The following CDYL variants were observed in gnomAD, a reference collection of about 807,000 sequenced individuals.
CDYL encodes the protein chromodomain Y-like protein.
A neutral mutation model predicts 47.3 loss-of-function variants in CDYL; 8 were observed. That is an observed-to-expected ratio of 0.17 (90% CI 0.10 to 0.31). CDYL has a LOEUF of 0.31. CDYL is among the 10% of genes least tolerant of loss of function. The probability of loss-of-function intolerance (pLI) is 1.00; values close to 1 mark genes in which losing one functional copy is unlikely to be tolerated. For missense variants in CDYL, 471 were observed against 701.4 expected (o/e 0.67, Z 3.71); for synonymous variants, 266 against 265.0 (o/e 1.00, Z -0.04).
intron 2 of CDYL, among the ~76,000 whole-genome samples, chr6:4,723,927 GC>G (rs1204687965): frequency 1.3e-5 from 2 of 152,234 alleles, no homozygotes; most frequent in Non-Finnish European, 2.9e-5. Context: ...CTCCTGATCT[GC>G]TTTCGGTTAG....
chr6:4,907,383 C>T (rs935355679), intron 2 of CDYL, among the ~76,000 whole-genome samples: 4 of 152,158 alleles, frequency 2.6e-5, no homozygotes, highest in East Asian at 1.9e-4. Context: ...GAGACAGGGT[C>T]CGGCTCCGTC....
chr6:4,806,775 T>A (rs1276620078), intron 1 of CDYL, among the ~76,000 whole-genome samples: 3 of 152,228 alleles, frequency 2.0e-5, no homozygotes, highest in Non-Finnish European at 4.4e-5. Flanking sequence ...TCCTAAATTC[T>A]GGTTTTCTGT....
chr6:4,891,757 A>T lies in CDYL; in HGVS notation c.69A>T (p.Thr23=), dbSNP rs779653039. Residue 23 remains threonine, a synonymous_variant, in exon 2 of 7, where the codon ACA becomes ACT. Coordinates refer to ENST00000397588, the MANE Select transcript of CDYL (RefSeq NM_004824.4). ...VDKRKNKKGK[T]EYLVRWKGYD... The stretch of plus-strand genomic sequence containing the variant: ...AAAGGAAAAATAAAAAAGGGAAGAC[A>T]GAGTATTTGGTTCGGTGGAAAGGCT... The T allele has an allele frequency of 6.2e-7, 1 of 1,614,184 alleles. No homozygotes were observed. The highest frequency in any genetic ancestry group is 1.7e-5 in the Admixed American group (1 of 60,016).
At chr6:4,719,985 C>T (rs184088439) in intron 2 of CDYL, among the ~76,000 whole-genome samples, 5 of 152,316 alleles carry the variant, frequency 3.3e-5, no homozygotes, top group East Asian at 1.9e-4. Context: ...TCCATTTCAA[C>T]GCTTATAGCA....
intron 2 of CDYL, among the ~76,000 whole-genome samples, chr6:4,917,729 G>C (rs1489598199): frequency 6.6e-6 from 1 of 152,196 alleles, no homozygotes; most frequent in African/African-American, 2.4e-5. Context: ...TTCTTAGGCT[G>C]TTGCTGTTGG....
intron 1 of CDYL, among the ~76,000 whole-genome samples, chr6:4,777,477 TGA>T (rs1315053089): frequency 6.6e-6 from 1 of 152,244 alleles, no homozygotes; most frequent in African/African-American, 2.4e-5. Flanking sequence ...GCTTCAAGTT[TGA>T]GAGTTACCAA....
intron 2 of CDYL, among the ~76,000 whole-genome samples, chr6:4,918,714 T>TC (rs1757626085): frequency 6.6e-6 from 1 of 152,230 alleles, no homozygotes; most frequent in Non-Finnish European, 1.5e-5. Context: ...GATTTCCCTT[T>TC]CCTCAGTGTT....
intron 2 of CDYL, among the ~76,000 whole-genome samples, chr6:4,927,660 C>T (rs1172582050): frequency 6.6e-6 from 1 of 152,172 alleles, no homozygotes; most frequent in Non-Finnish European, 1.5e-5. Context: ...AAGTGATCCA[C>T]CTGCCTTGGC....
At chr6:4,774,733 G>C (rs1465198011), upstream of CDYL, 1 of 152,508 alleles carries the variant, frequency 6.6e-6, no homozygotes, top group African/African-American at 2.4e-5. Flanking sequence ...GTTTGGAGTT[G>C]GGGTGGGGTG....
At chr6:4,729,256 C>T (rs920943461) in intron 2 of CDYL, among the ~76,000 whole-genome samples, 7 of 152,140 alleles carry the variant, frequency 4.6e-5, no homozygotes, top group Non-Finnish European at 8.8e-5. Context: ...TGCTGGCATC[C>T]GGCAAGGTCC....
In CDYL at chr6:4,892,069, C is replaced by T. The variant is rs779449574; in HGVS notation, c.381C>T (p.Leu127=). The change falls in exon 2 of 7, where the codon CTC becomes CTT. Residue 127 remains leucine, a synonymous_variant. Coordinates refer to ENST00000397588, the MANE Select transcript of CDYL (RefSeq NM_004824.4). The part of the protein sequence containing the change: ...QKFRKNTAPS[L]SSRKNMDLAK... ...TCAGGAAGAACACAGCTCCATCTCT[C>T]TCCAGCCGGAAGAACATGGACCTAG... The T allele has an allele frequency of 3.1e-6, 5 of 1,614,126 alleles. No homozygotes were observed. The African/African-American group carries it at 4.0e-5, about 13-fold the overall frequency.
chr6:4,929,521 CACACAT>C (rs1422674637), intron 2 of CDYL, among the ~76,000 whole-genome samples: 36 of 148,442 alleles, frequency 2.4e-4, no homozygotes, highest in African/African-American at 9.4e-4. Flanking sequence ...CACACACACA[CACACAT>C]ACATACACAC....
At chr6:4,916,915 C>G (rs186022582) in intron 2 of CDYL, among the ~76,000 whole-genome samples, 1 of 152,294 alleles carries the variant, frequency 6.6e-6, no homozygotes, top group African/African-American at 2.4e-5. Flanking sequence ...GACAGGTGGG[C>G]CCTGAGGCTG....
chr6:4,938,884 CCCT>C (rs1297348644), intron 4 of CDYL, among the ~76,000 whole-genome samples: 1 of 152,064 alleles, frequency 6.6e-6, no homozygotes, highest in East Asian at 1.9e-4. Flanking sequence ...AAATCATATC[CCCT>C]CATTTATCAT....
At chr6:4,857,637 TAGGC>T (rs1359792044) in intron 1 of CDYL, among the ~76,000 whole-genome samples, 2 of 152,322 alleles carry the variant, frequency 1.3e-5, no homozygotes, top group East Asian at 3.9e-4. Context: ...AGTCTCCTGA[TAGGC>T]AGGTCTCCAG....
At chr6:4,720,130 T>C (rs1477340570) in intron 2 of CDYL, among the ~76,000 whole-genome samples, 1 of 152,210 alleles carries the variant, frequency 6.6e-6, no homozygotes, top group Non-Finnish European at 1.5e-5. Flanking sequence ...CCTGGGAAAA[T>C]CTGGGATCTT....
At chr6:4,893,060 C>T (rs1762095881) in intron 2 of CDYL, among the ~76,000 whole-genome samples, 1 of 152,258 alleles carries the variant, frequency 6.6e-6, no homozygotes, top group Non-Finnish European at 1.5e-5. Context: ...GCTTCCTTCT[C>T]CTCACTTGCC....
Position 4,892,332 on chromosome 6 carries a change from G to T in CDYL, c.644G>T (p.Gly215Val). ...RIHPLVPQVPGPVTAAMATGL... is the reference protein window; with the variant it reads ...RIHPLVPQVPVPVTAAMATGL... ...CACCCACTAGTGCCTCAGGTGCCCGGCCCTGTGACTGCAGCCATGGCCACA... is the reference window on the plus strand; with the variant it reads ...CACCCACTAGTGCCTCAGGTGCCCGTCCCTGTGACTGCAGCCATGGCCACA... The change falls in exon 2 of 7, where the codon GGC (glycine) becomes GTC (valine). Residue 215 changes from glycine to valine, a missense_variant. Physicochemically the swap from Gly to Val is moderately radical, Grantham distance 109. Around this residue, in one of 3 missense-constraint regions of CDYL, gnomAD observed 311 missense variants for 350.0 expected, o/e 0.89. Coordinates refer to ENST00000397588, the MANE Select transcript of CDYL (RefSeq NM_004824.4). 6.2e-7 allele frequency: 1 copy of T among 1,613,816 alleles called. No homozygotes were observed. The highest frequency in any genetic ancestry group is 1.1e-5 in the South Asian group (1 of 91,052).
intron 1 of CDYL, among the ~76,000 whole-genome samples, chr6:4,706,969 C>T (rs1023654547): frequency 2.0e-5 from 3 of 152,074 alleles, no homozygotes; most frequent in Non-Finnish European, 4.4e-5. Flanking sequence ...TGAACAGAGC[C>T]TAACTTGGTT....
Sources: allele counts gnomAD v4.1 joint callset (sites outside exome capture counted in the v4.1 genomes callset), GRCh38; gene constraint gnomAD v4.1.1; regional missense constraint gnomAD v4.1.1; transcripts MANE v1.5; gene names NCBI Gene and HGNC (gene_info 2026-07-23, HGNC 2026-07-21).